Variants in DSCC1 observed in about 807,000 individuals in gnomAD.
DSCC1 encodes the protein sister chromatid cohesion protein DCC1.
In DSCC1, 32 loss-of-function variants were observed where a neutral mutation model predicts 48.2. That is an observed-to-expected ratio of 0.66 (90% confidence interval 0.50 to 0.89). The LOEUF (loss-of-function observed/expected upper bound fraction) is 0.89, where lower values mean the gene tolerates loss of function less well. Among genes scored for constraint, DSCC1 ranks in the 40% least tolerant of loss-of-function variants. The pLI, the probability that DSCC1 is intolerant of heterozygous loss-of-function variation, is 0.00. For synonymous variants in DSCC1, 150 were observed against 171.5 expected (o/e 0.87, Z 0.98); for missense variants, 421 against 471.7 (o/e 0.89, Z 1.00).
At position 119,843,117 on chromosome 8, in the gene DSCC1, TTA is replaced by T. The variant is rs1167993607; in HGVS notation, c.717-291_717-290del. Among the ~76,000 whole-genome samples the T allele has an allele frequency of 6.7e-3, 953 of 142,372 alleles. 5 individuals are homozygous for T. Among genetic ancestry groups the T allele is most frequent in the Middle Eastern group, 0.042 (11 of 264 alleles). 93.4% of individuals were successfully genotyped at this position (142,372 alleles called of 152,430 possible). A position where few individuals can be genotyped will look rare whatever the true frequency, so the allele number is the denominator to read the frequency against. On this transcript the variant is annotated intron_variant, in intron 5 of 8. Transcript: ENST00000313655. ...TCCTTTATTTATTGTTTGTTTTATT[TTA>T]TTTTTTTTTTTTTTTTGAGAGTGCA... is the stretch of plus-strand genomic sequence containing the variant.
intron 8 of DSCC1, among the ~76,000 whole-genome samples, chr8:119,835,518 CAAAA>C (rs552177899): frequency 2.1e-5 from 3 of 143,436 alleles, no homozygotes; most frequent in South Asian, 2.3e-4. Context: ...AAAAAACAAA[CAAAA>C]AAAAAAGCAA....
At chr8:119,842,652 C>T in intron 6 of DSCC1, 124 bp downstream of exon 6, 1 of 807,304 alleles carries the variant, frequency 1.2e-6, no homozygotes, top group Non-Finnish European at 2.0e-6. Flanking sequence ...TTCCAAAGTG[C>T]TGGGATTATA....
At chr8:119,854,814 G>A (rs7010729) in intron 1 of DSCC1, among the ~76,000 whole-genome samples, 7,015 of 152,230 alleles carry the variant, frequency 0.046, 268 homozygotes, top group South Asian at 0.13. Context: ...TATATAGCAG[G>A]TATCTGAAGA....
chr8:119,836,363 A>G (rs1262052547), intron 8 of DSCC1, among the ~76,000 whole-genome samples: 1 of 152,194 alleles, frequency 6.6e-6, no homozygotes, highest in Non-Finnish European at 1.5e-5. Flanking sequence ...TGAGCAGTGG[A>G]TATATGGAGG....
chr8:119,850,036 C>A (rs1234530048), intron 3 of DSCC1, among the ~76,000 whole-genome samples: 1 of 151,944 alleles, frequency 6.6e-6, no homozygotes, highest in Non-Finnish European at 1.5e-5. Context: ...TCTAAAAAAA[C>A]TATTATTTCA....
At chr8:119,848,421 T>C (rs1046933055) in intron 3 of DSCC1, among the ~76,000 whole-genome samples, 3 of 152,162 alleles carry the variant, frequency 2.0e-5, no homozygotes, top group African/African-American at 4.8e-5. Flanking sequence ...TACAACTCAG[T>C]AATAAAAAGA....
chr8:119,836,198 AGCTACTTGGGAG>A (rs769429144), intron 8 of DSCC1, among the ~76,000 whole-genome samples: 1 of 152,172 alleles, frequency 6.6e-6, no homozygotes, highest in Non-Finnish European at 1.5e-5. Flanking sequence ...CAGTAGTCCC[AGCTACTTGGGAG>A]GCTAAGGCAG....
intron 8 of DSCC1, among the ~76,000 whole-genome samples, chr8:119,835,396 A>G (rs187170213): frequency 3.9e-5 from 6 of 152,052 alleles, no homozygotes; most frequent in Admixed American, 1.3e-4. Flanking sequence ...TATCCCAGCT[A>G]CTTGGGAGGC....
intron 4 of DSCC1, among the ~76,000 whole-genome samples, 195 bp downstream of exon 4, chr8:119,846,795 A>C (rs932639751): frequency 6.6e-6 from 1 of 152,156 alleles, no homozygotes; most frequent in Non-Finnish European, 1.5e-5. Flanking sequence ...CCTGGCCTCA[A>C]GTATCTGCCC....
At chr8:119,848,618 A>C (rs1586581813) in intron 3 of DSCC1, among the ~76,000 whole-genome samples, 2 of 152,346 alleles carry the variant, frequency 1.3e-5, no homozygotes, top group Middle Eastern at 3.4e-3. Flanking sequence ...TCCTAGGTAC[A>C]TACCCAAGAA....
intron 8 of DSCC1, among the ~76,000 whole-genome samples, chr8:119,836,940 A>AAGCAG (rs1468999176): frequency 1.3e-5 from 2 of 152,140 alleles, no homozygotes; most frequent in Non-Finnish European, 2.9e-5. Flanking sequence ...AAGTAGGAGG[A>AAGCAG]AGCAGACACT....
chr8:119,846,401 C>G (rs1826858023), intron 4 of DSCC1, among the ~76,000 whole-genome samples: 1 of 152,002 alleles, frequency 6.6e-6, no homozygotes, highest in African/African-American at 2.4e-5. Flanking sequence ...CATGAGCCAC[C>G]ATGCCCAGCT....
chr8:119,850,913 GT>G lies in DSCC1; in HGVS notation c.352-398del, dbSNP rs535675921. On this transcript the variant is annotated intron_variant, in intron 2 of 8. Transcript: ENST00000313655. ...AACAAAACAGAGAAAAGGTATTATAGTCTTCAAATAGGGACATTAAAGGGAA... is the reference window on the plus strand; with the variant it reads ...AACAAAACAGAGAAAAGGTATTATAGCTTCAAATAGGGACATTAAAGGGAA... 1.6e-4 allele frequency among the ~76,000 whole-genome samples: 25 copies of G among 152,302 alleles called. No individual in the cohort carries two copies. In the South Asian group the frequency reaches 4.6e-3, roughly 28 times the overall value.
intron 4 of DSCC1, among the ~76,000 whole-genome samples, chr8:119,846,017 C>G (rs967392769): frequency 2.0e-5 from 3 of 152,122 alleles, no homozygotes; most frequent in African/African-American, 7.2e-5. Context: ...GTCACTAACT[C>G]CACATGTACC....
rs1826927221 is a variant in DSCC1 at position 119,850,367 on chromosome 8, G to T, written c.486+15C>A. ...GTTGTTAAATTCCAAATAAAAAAGT[G>T]AAAATAAGTCTTACTTTTGAGCTAT... On this transcript the variant is annotated intron_variant, in intron 3 of 8. Coordinates refer to ENST00000313655, the MANE Select transcript of DSCC1 (RefSeq NM_024094.3). 6.5e-7 allele frequency: 1 copy of T among 1,548,562 alleles called. No individual in the cohort carries two copies. Among genetic ancestry groups the T allele is most frequent in the East Asian group, 2.3e-5 (1 of 42,716 alleles).
At chr8:119,841,502 A>G (rs1238888356) in intron 7 of DSCC1, among the ~76,000 whole-genome samples, 1 of 152,174 alleles carries the variant, frequency 6.6e-6, no homozygotes, top group Non-Finnish European at 1.5e-5. Flanking sequence ...TTAACAGAAA[A>G]TGGACCCAAG....
chr8:119,843,326 G>T (rs781419347), intron 5 of DSCC1, among the ~76,000 whole-genome samples: 2 of 151,748 alleles, frequency 1.3e-5, no homozygotes, highest in Non-Finnish European at 1.5e-5. Context: ...CTGACCTCAT[G>T]ATCCACCTGC....
chr8:119,844,148 A>T (rs1165671217), intron 4 of DSCC1, among the ~76,000 whole-genome samples: 1 of 152,134 alleles, frequency 6.6e-6, no homozygotes, highest in East Asian at 1.9e-4. Flanking sequence ...TGCAAAAAAG[A>T]GACACTAGGC....
At chr8:119,835,857 A>G (rs1826673407) in intron 8 of DSCC1, among the ~76,000 whole-genome samples, 1 of 152,202 alleles carries the variant, frequency 6.6e-6, no homozygotes, top group Non-Finnish European at 1.5e-5. Context: ...CATAATAAGG[A>G]GAGGGAGGAA....
Sources: gnomAD v4.1 joint callset for allele counts (sites outside exome capture counted in the v4.1 genomes callset) on GRCh38, gnomAD v4.1.1 for gene constraint, MANE v1.5 for transcripts, NCBI Gene and HGNC (gene_info 2026-07-23, HGNC 2026-07-21) for gene names.